Variants in NCOA1 observed in about 807,000 individuals in gnomAD.
NCOA1 encodes nuclear receptor coactivator 1.
Under a neutral mutation model 150.9 loss-of-function variants are expected in NCOA1, and 35 were observed. That is an observed-to-expected ratio of 0.23 (90% CI 0.18 to 0.31). The LOEUF is 0.31. Ranked by LOEUF, NCOA1 falls within the 10% of genes least tolerant of loss-of-function variation. The pLI is 1.00. For synonymous variants in NCOA1, 590 were observed against 630.0 expected, an observed-to-expected ratio of 0.94 and a Z score of 0.95; for missense variants, 1,491 against 1,749.3, an observed-to-expected ratio of 0.85 and a Z score of 2.63.
intron 7 of NCOA1, among the ~76,000 whole-genome samples, chr2:24,680,226 C>T (rs937425456): frequency 2.0e-5 from 3 of 152,182 alleles, no homozygotes; most frequent in Non-Finnish European, 4.4e-5. Flanking sequence ...TGAGGAACCT[C>T]CCTACTACTT....
intron 3 of NCOA1, among the ~76,000 whole-genome samples, chr2:24,625,467 T>C (rs2148417744): frequency 6.6e-6 from 1 of 152,230 alleles, no homozygotes; most frequent in South Asian, 2.1e-4. Flanking sequence ...AGGAACTAAC[T>C]TTTGCTTTGT....
chr2:24,731,508 T>TA (rs1375226402), intron 17 of NCOA1, among the ~76,000 whole-genome samples: 1 of 152,052 alleles, frequency 6.6e-6, no homozygotes, highest in East Asian at 1.9e-4. Flanking sequence ...ATATGTAATA[T>TA]AAAATGTGCT....
intron 1 of NCOA1, among the ~76,000 whole-genome samples, chr2:24,538,062 T>C (rs1297833057): frequency 6.6e-6 from 1 of 152,222 alleles, no homozygotes; most frequent in Non-Finnish European, 1.5e-5. Flanking sequence ...ATTTTATTTT[T>C]CTTAAGAGAT....
intron 5 of NCOA1, 180 bp downstream of exon 5, chr2:24,658,946 T>A (rs1421009435): frequency 1.7e-6 from 1 of 578,950 alleles, no homozygotes; most frequent in Non-Finnish European, 3.1e-6. Context: ...TCCAGCTTGC[T>A]TCCTCTTGAT....
chr2:24,729,633 C>G lies in NCOA1; in HGVS notation c.3019C>G (p.Pro1007Ala). The G allele has an allele frequency of 6.2e-7, 1 of 1,614,190 alleles. No individual in the cohort carries two copies. The highest frequency in any genetic ancestry group is 1.1e-5 in the South Asian group (1 of 91,090). ...SPSPTANLPS[P>A]FQGMVRQKPS... ...TTCTCCTACTGCCAATCTCCCTAGC[C>G]CTTTCCAAGGCATGGTCAGGCAAAA... The change falls in exon 17 of 23, where the codon CCT becomes GCT. Residue 1007 changes from proline (P) to alanine (A), a missense_variant. Pro to Ala is a conservative substitution (Grantham distance 27). Around this residue, in one of 8 missense-constraint regions of NCOA1, gnomAD observed 485 missense variants for 522.8 expected, o/e 0.93. Coordinates refer to ENST00000348332, the MANE Select transcript of NCOA1 (RefSeq NM_003743.5).
At chr2:24,566,985 G>A (rs1361639354) in intron 2 of NCOA1, among the ~76,000 whole-genome samples, 1 of 152,230 alleles carries the variant, frequency 6.6e-6, no homozygotes, top group Non-Finnish European at 1.5e-5. Flanking sequence ...CACCCAGGAG[G>A]GCGGGCCTTC....
chr2:24,666,005 TA>T, intron 6 of NCOA1, 90 bp downstream of exon 6: 1 of 766,678 alleles, frequency 1.3e-6, no homozygotes, highest in Non-Finnish European at 1.7e-6. Context: ...TTATTATTAT[TA>T]TTTTATTATT....
intron 16 of NCOA1, 105 bp downstream of exon 16, chr2:24,728,581 T>C: frequency 1.1e-6 from 1 of 937,472 alleles, no homozygotes; most frequent in South Asian, 2.5e-5. Context: ...TTTAGCTGTT[T>C]TATAATTTAC....
chr2:24,707,118 A>T lies in NCOA1; in HGVS notation c.1648A>T (p.Asn550Tyr). The change falls in exon 13 of 23, where the codon AAC becomes TAC. Residue 550 changes from asparagine (N) to tyrosine (Y), a missense_variant. Transcript: ENST00000348332. ...ACAGGGTATGAATGAAGGACCCAAT[A>T]ACTCCGTTGGCTTCTCTGCCAGTTC... ...SLQGMNEGPN[N>Y]SVGFSASSPV... The T allele has an allele frequency of 6.2e-7, 1 of 1,614,202 alleles. No homozygotes were observed. The highest frequency in any genetic ancestry group is 8.5e-7 in the Non-Finnish European group (1 of 1,180,038).
intron 1 of NCOA1, among the ~76,000 whole-genome samples, chr2:24,541,966 G>T (rs1238007977): frequency 6.6e-6 from 1 of 152,114 alleles, no homozygotes; most frequent in Non-Finnish European, 1.5e-5. Flanking sequence ...ACAGGAAAAA[G>T]ATTTTGGAAA....
At chr2:24,535,694 T>C (rs945424806) in intron 1 of NCOA1, among the ~76,000 whole-genome samples, 1 of 152,136 alleles carries the variant, frequency 6.6e-6, no homozygotes, top group Non-Finnish European at 1.5e-5. Flanking sequence ...AATTTTATTT[T>C]TCCTTCACTT....
At chr2:24,630,687 AT>A (rs1360711387) in intron 3 of NCOA1, among the ~76,000 whole-genome samples, 1 of 152,150 alleles carries the variant, frequency 6.6e-6, no homozygotes, top group African/African-American at 2.4e-5. Flanking sequence ...GAATTCTTAG[AT>A]TTTTTAAGTC....
chr2:24,601,553 G>A (rs536148336), intron 3 of NCOA1, among the ~76,000 whole-genome samples: 11 of 150,152 alleles, frequency 7.3e-5, no homozygotes, highest in Admixed American at 6.0e-4. Context: ...TTTTCTGACA[G>A]TTTTATTGAT....
intron 1 of NCOA1, among the ~76,000 whole-genome samples, chr2:24,505,840 G>A (rs1050813137): frequency 6.6e-6 from 1 of 152,160 alleles, no homozygotes; most frequent in Non-Finnish European, 1.5e-5. Flanking sequence ...TGAAGGACAG[G>A]TTCATCCCAT....
At chr2:24,552,384 T>G (rs1665891685) in intron 1 of NCOA1, among the ~76,000 whole-genome samples, 1 of 94,540 alleles carries the variant, frequency 1.1e-5, no homozygotes, top group Non-Finnish European at 2.1e-5. Context: ...TTTTTTTTTT[T>G]GAGATGGAGT....
intron 3 of NCOA1, among the ~76,000 whole-genome samples, chr2:24,592,325 ATTAT>A (rs1667688873): frequency 6.6e-6 from 1 of 152,136 alleles, no homozygotes; most frequent in African/African-American, 2.4e-5. Context: ...TGAAGAGAAT[ATTAT>A]TTGAGTTTAT....
intron 3 of NCOA1, among the ~76,000 whole-genome samples, chr2:24,637,956 A>T (rs957315836): frequency 6.6e-6 from 1 of 152,132 alleles, no homozygotes. Context: ...TCGGCCTCCC[A>T]AAGTGCTGGG....
chr2:24,725,714 CGTGTGTGT>C (rs57720230), intron 14 of NCOA1, among the ~76,000 whole-genome samples: 77,784 of 148,886 alleles, frequency 0.52, 21,854 homozygotes, highest in Admixed American at 0.66. Flanking sequence ...CTAAAGTGTG[CGTGTGTGT>C]GTGTGTGTGT....
intron 1 of NCOA1, among the ~76,000 whole-genome samples, chr2:24,514,629 T>G (rs1345436622): frequency 6.6e-6 from 1 of 151,782 alleles, no homozygotes; most frequent in Admixed American, 6.6e-5. Flanking sequence ...ATGGGGAAAC[T>G]CCATATCTAC....
Sources: allele counts gnomAD v4.1 joint callset (sites outside exome capture counted in the v4.1 genomes callset), GRCh38; gene constraint gnomAD v4.1.1; regional missense constraint gnomAD v4.1.1; transcripts MANE v1.5; gene names NCBI Gene and HGNC (gene_info 2026-07-23, HGNC 2026-07-21).